The following NDUFAF6 variants were observed in gnomAD, a reference collection of about 807,000 sequenced individuals.
NDUFAF6 encodes the protein NADH:ubiquinone oxidoreductase complex assembly factor 6.
In NDUFAF6, 45 loss-of-function variants were observed where a neutral mutation model predicts 40.8. That is an observed-to-expected ratio of 1.10 (90% CI 0.87 to 1.42). The LOEUF (loss-of-function observed/expected upper bound fraction) is 1.42, where lower values mean the gene tolerates loss of function less well. Among genes scored for constraint, NDUFAF6 ranks in the 40% most tolerant of loss-of-function variants. The pLI is 0.00. For missense variants in NDUFAF6, 435 were observed against 418.5 expected, an observed-to-expected ratio of 1.04 and a Z score of -0.34; for synonymous variants, 185 against 155.9, an observed-to-expected ratio of 1.19 and a Z score of -1.39.
At chr8:94,980,046 G>A (rs558029160) in intron 1 of NDUFAF6, among the ~76,000 whole-genome samples, 309 of 151,574 alleles carry the variant, frequency 2.0e-3, no homozygotes, top group Non-Finnish European at 3.6e-3. Flanking sequence ...ACAGTGAGCC[G>A]AGATCATGCC....
At chr8:94,959,674 G>T (rs1338457264) in intron 1 of NDUFAF6, among the ~76,000 whole-genome samples, 4 of 152,058 alleles carry the variant, frequency 2.6e-5, no homozygotes, top group African/African-American at 9.7e-5. Flanking sequence ...GGGACTACAG[G>T]TGCATACCAC....
intron 4 of NDUFAF6, among the ~76,000 whole-genome samples, chr8:95,112,919 A>C (rs1046267968): frequency 2.0e-5 from 3 of 152,232 alleles, no homozygotes; most frequent in African/African-American, 7.2e-5. Context: ...GCCACGATGG[A>C]GCAAAGTCCA....
intron 1 of NDUFAF6, among the ~76,000 whole-genome samples, chr8:94,933,014 T>G (rs1004366647): frequency 6.6e-5 from 10 of 152,050 alleles, no homozygotes; most frequent in African/African-American, 2.2e-4. Context: ...GTCAGGAGTT[T>G]GAGACCAGCC....
chr8:94,907,560 T>C (rs1198675794), intron 1 of NDUFAF6, among the ~76,000 whole-genome samples: 1 of 152,196 alleles, frequency 6.6e-6, no homozygotes, highest in South Asian at 2.1e-4. Flanking sequence ...GATTATCCCA[T>C]ATACCCAAAC....
intron 8 of NDUFAF6, among the ~76,000 whole-genome samples, chr8:95,052,581 T>TTAGG (rs1163028781): frequency 6.6e-6 from 1 of 152,198 alleles, no homozygotes; most frequent in Non-Finnish European, 1.5e-5. Context: ...TGTGGGATTG[T>TTAGG]TAGGCTGCTT....
At chr8:94,960,435 G>GACA (rs869251196) in intron 1 of NDUFAF6, among the ~76,000 whole-genome samples, 10 of 37,922 alleles carry the variant, frequency 2.6e-4, no homozygotes, top group African/African-American at 6.3e-4. Context: ...CTGATGACTT[G>GACA]TCTAAGTTCA....
chr8:95,014,159 TG>T (rs2131679461), intron 2 of NDUFAF6, among the ~76,000 whole-genome samples: 1 of 152,324 alleles, frequency 6.6e-6, no homozygotes, highest in South Asian at 2.1e-4. Flanking sequence ...AATTTTCTGG[TG>T]TTCAAGACAC....
chr8:94,906,858 C>T (rs1246878240), intron 1 of NDUFAF6, among the ~76,000 whole-genome samples: 1 of 152,232 alleles, frequency 6.6e-6, no homozygotes, highest in Non-Finnish European at 1.5e-5. Flanking sequence ...GTATACATTA[C>T]ACTATAGGGT....
chr8:94,999,124 C>CTT (rs757137462), intron 2 of NDUFAF6, among the ~76,000 whole-genome samples: 37 of 139,412 alleles, frequency 2.7e-4, no homozygotes, highest in African/African-American at 8.8e-4. Flanking sequence ...TTCCATTCTA[C>CTT]TTTTTTTTTT....
chr8:94,991,764 A>G (rs960388559), intron 2 of NDUFAF6, among the ~76,000 whole-genome samples: 23 of 149,190 alleles, frequency 1.5e-4, no homozygotes, highest in Admixed American at 1.5e-3. Context: ...AAATCTTTCC[A>G]TATCAGTACA....
chr8:94,934,155 A>G (rs1014507792), intron 1 of NDUFAF6, among the ~76,000 whole-genome samples: 6 of 152,184 alleles, frequency 3.9e-5, no homozygotes, highest in Non-Finnish European at 8.8e-5. Context: ...CACAGAAAAA[A>G]AAAAACACAA....
At chr8:94,967,918 G>A (rs1360723621) in intron 1 of NDUFAF6, among the ~76,000 whole-genome samples, 1 of 143,110 alleles carries the variant, frequency 7.0e-6, no homozygotes, top group Non-Finnish European at 1.5e-5. Flanking sequence ...ACTAGCCTTT[G>A]CGACAGAGCG....
upstream of NDUFAF6, among the ~76,000 whole-genome samples, chr8:95,098,898 G>A (rs561488762): frequency 6.6e-6 from 1 of 152,184 alleles, no homozygotes; most frequent in Non-Finnish European, 1.5e-5. Context: ...CTCCAGCCTG[G>A]GCGACAGAGT....
chr8:95,044,040 ATAT>A (rs1210239987), intron 4 of NDUFAF6, among the ~76,000 whole-genome samples: 4 of 152,380 alleles, frequency 2.6e-5, no homozygotes, highest in Admixed American at 1.3e-4. Context: ...ATACAATGGA[ATAT>A]TATTCATAAT....
At chr8:95,005,809 C>A (rs551529666) in intron 2 of NDUFAF6, among the ~76,000 whole-genome samples, 1 of 151,694 alleles carries the variant, frequency 6.6e-6, no homozygotes, top group Non-Finnish European at 1.5e-5. Context: ...ATGTCTCCAC[C>A]CCAACTGGAC....
intron 3 of NDUFAF6, among the ~76,000 whole-genome samples, chr8:95,037,968 C>T (rs897139374): frequency 6.6e-6 from 1 of 152,210 alleles, no homozygotes; most frequent in African/African-American, 2.4e-5. Context: ...ACTGCAGCCT[C>T]AACCTCCTGG....
chr8:95,033,866 G>C lies in NDUFAF6; in HGVS notation c.298-1588G>C, dbSNP rs2678823. 371 of 377,968 alleles carry C rather than the reference G, an allele frequency of 9.8e-4. 2 individuals are homozygous for C. The highest frequency in any genetic ancestry group is 5.4e-3 in the South Asian group (278 of 51,602). 23.4% of individuals were successfully genotyped at this position (377,968 alleles called of 1,614,324 possible). On this transcript the variant is annotated intron_variant, in intron 2 of 8. Coordinates refer to ENST00000396124, the MANE Select transcript of NDUFAF6 (RefSeq NM_152416.4). ...TCCAGCAGAGCAGGGAGGGGCGCAT[G>C]GGAGGAGATTCAGTTAGGGGCACCT...
downstream of NDUFAF6, among the ~76,000 whole-genome samples, chr8:95,106,919 C>G (rs1809856987): frequency 6.6e-6 from 1 of 152,144 alleles, no homozygotes; most frequent in South Asian, 2.1e-4. Flanking sequence ...AAATGCAAAT[C>G]AAAACCACAA....
chr8:95,085,668 TAAAAA>T (rs369743009), intron 2 of NDUFAF6: 1 of 141,900 alleles, frequency 7.0e-6, no homozygotes, highest in Non-Finnish European at 1.5e-5. Context: ...ACCTCATTTC[TAAAAA>T]AAAAAAAAAA....
Sources: gnomAD v4.1 joint callset for allele counts (sites outside exome capture counted in the v4.1 genomes callset) on GRCh38, gnomAD v4.1.1 for gene constraint, MANE v1.5 for transcripts, NCBI Gene and HGNC (gene_info 2026-07-23, HGNC 2026-07-21) for gene names.